CEP112: variants seen among roughly 807,000 people sequenced by gnomAD.
The protein encoded by CEP112 is centrosomal protein of 112 kDa.
CEP112 carries 127 observed loss-of-function variants against 153.0 expected under a neutral mutation model. The observed-to-expected ratio is 0.83, with a 90% confidence interval of 0.72 to 0.96. The LOEUF is 0.96. Among genes scored for constraint, CEP112 ranks in the 40% least tolerant of loss-of-function variants. The pLI is 0.00. For synonymous variants in CEP112, 358 were observed against 374.4 expected (o/e 0.96, Z 0.51); for missense variants, 1,089 against 1,101.2 (o/e 0.99, Z 0.16).
At chr17:65,763,305 T>A (rs1449659133) in intron 21 of CEP112, among the ~76,000 whole-genome samples, 1 of 152,054 alleles carries the variant, frequency 6.6e-6, no homozygotes, top group East Asian at 1.9e-4. Context: ...TTTCTTTCAT[T>A]TATGCTGATT....
At chr17:65,970,197 T>C (rs915307170) in intron 17 of CEP112, among the ~76,000 whole-genome samples, 12 of 121,254 alleles carry the variant, frequency 9.9e-5, no homozygotes, top group African/African-American at 3.2e-4. Flanking sequence ...GCATATATGC[T>C]GCATGCATGT....
chr17:65,974,913 C>T (rs1222697437), intron 17 of CEP112, among the ~76,000 whole-genome samples: 2 of 151,240 alleles, frequency 1.3e-5, no homozygotes, highest in African/African-American at 4.9e-5. Flanking sequence ...ACCTAATAGT[C>T]CAGGTCTGGC....
At chr17:65,796,914 C>T (rs1171056931) in intron 21 of CEP112, among the ~76,000 whole-genome samples, 1 of 150,106 alleles carries the variant, frequency 6.7e-6, no homozygotes, top group Non-Finnish European at 1.5e-5. Flanking sequence ...ATTAGCTGGG[C>T]TTGGTGGTGC....
At chr17:65,693,393 G>A (rs183887457) in intron 23 of CEP112, among the ~76,000 whole-genome samples, 11 of 151,762 alleles carry the variant, frequency 7.2e-5, no homozygotes, top group Admixed American at 2.6e-4. Flanking sequence ...CCCTATTCAC[G>A]CCCAATTGTG....
At chr17:65,713,404 A>G (rs2049308993) in intron 23 of CEP112, among the ~76,000 whole-genome samples, 1 of 152,220 alleles carries the variant, frequency 6.6e-6, no homozygotes, top group Non-Finnish European at 1.5e-5. Flanking sequence ...GAAAACCTAT[A>G]CTGTCTAAAG....
chr17:65,888,403 C>T (rs929504764), intron 20 of CEP112, among the ~76,000 whole-genome samples: 1 of 152,000 alleles, frequency 6.6e-6, no homozygotes, highest in African/African-American at 2.4e-5. Flanking sequence ...TTTTGTATAC[C>T]TCCTCTTAGC....
Position 65,961,496 on chromosome 17 carries a change from G to A in CEP112, c.1839C>T (p.Asn613=). Reference sequence around the variant, plus strand: ...TCATTTCAGCATAGACTTTCTCTGAGTTCAGTTCCACCTGCCGCTTAAACT... The same window carrying A: ...TCATTTCAGCATAGACTTTCTCTGAATTCAGTTCCACCTGCCGCTTAAACT... The part of the protein sequence containing the change: ...LEEFKRQVEL[N]SEKVYAEMKE... The change falls in exon 18 of 27, where the codon AAC becomes AAT. Residue 613 remains asparagine (N), a synonymous_variant. Coordinates refer to ENST00000535342, the MANE Select transcript of CEP112 (RefSeq NM_001199165.4). 1 of 1,612,066 alleles carries A rather than the reference G, an allele frequency of 6.2e-7. No homozygotes were observed. The highest frequency in any genetic ancestry group is 8.5e-7 in the Non-Finnish European group (1 of 1,178,362).
chr17:65,660,930 T>C (rs970316121), intron 24 of CEP112, among the ~76,000 whole-genome samples: 3 of 152,162 alleles, frequency 2.0e-5, no homozygotes, highest in Non-Finnish European at 2.9e-5. Flanking sequence ...CACTGTTGCA[T>C]GTTTCTCTAA....
chr17:65,714,207 T>G (rs1162363746), intron 23 of CEP112, among the ~76,000 whole-genome samples: 1 of 152,142 alleles, frequency 6.6e-6, no homozygotes, highest in African/African-American at 2.4e-5. Flanking sequence ...CACACACATA[T>G]ACATATACAC....
At chr17:65,749,395 CT>C (rs1476844153) in intron 22 of CEP112, among the ~76,000 whole-genome samples, 3 of 152,010 alleles carry the variant, frequency 2.0e-5, no homozygotes, top group African/African-American at 4.8e-5. Context: ...GTAGTCCCAG[CT>C]ACTCGGGAGG....
chr17:65,957,727 G>T (rs960331387), intron 18 of CEP112, among the ~76,000 whole-genome samples: 1 of 151,800 alleles, frequency 6.6e-6, no homozygotes, highest in Non-Finnish European at 1.5e-5. Flanking sequence ...TTGTATTTCT[G>T]CTTCTGTTCC....
At chr17:65,995,915 T>C (rs1242798885) in intron 17 of CEP112, among the ~76,000 whole-genome samples, 1 of 152,196 alleles carries the variant, frequency 6.6e-6, no homozygotes, top group African/African-American at 2.4e-5. Flanking sequence ...TCTTGCCTGC[T>C]GCCATGTAAG....
chr17:65,855,841 A>G (rs1185455114), intron 20 of CEP112, among the ~76,000 whole-genome samples: 3 of 152,178 alleles, frequency 2.0e-5, no homozygotes, highest in Non-Finnish European at 2.9e-5. Context: ...AGGCAGGTGG[A>G]TCACTTGAGC....
chr17:66,063,086 C>A lies in CEP112; in HGVS notation c.956-5G>T. The A allele has an allele frequency of 6.7e-7, 1 of 1,491,684 alleles. No individual in the cohort carries two copies. The highest frequency in any genetic ancestry group is 1.4e-5 in the South Asian group (1 of 72,578). The allele number at this position is 1,491,684 out of a possible 1,614,324, so 92.4% of individuals were successfully genotyped here. ...AGTCACGTATCAGTGTCTGAACTGTCAAAAATTTTGAAAACATAGTTAAAC... is the reference window on the plus strand; with the variant it reads ...AGTCACGTATCAGTGTCTGAACTGTAAAAAATTTTGAAAACATAGTTAAAC... On this transcript the variant is annotated splice_region_variant and splice_polypyrimidine_tract_variant and intron_variant, in intron 10 of 26. Coordinates refer to ENST00000535342, the MANE Select transcript of CEP112 (RefSeq NM_001199165.4).
At chr17:65,982,552 T>C (rs1231611137) in intron 17 of CEP112, among the ~76,000 whole-genome samples, 1 of 152,212 alleles carries the variant, frequency 6.6e-6, no homozygotes, top group Non-Finnish European at 1.5e-5. Context: ...ACCCTTTAAA[T>C]AATTTTCAAT....
At chr17:65,788,980 A>C (rs1234815772) in intron 21 of CEP112, among the ~76,000 whole-genome samples, 4 of 151,958 alleles carry the variant, frequency 2.6e-5, no homozygotes, top group Non-Finnish European at 4.4e-5. Flanking sequence ...CCCTTTCCTT[A>C]CCATAGCAAC....
chr17:65,861,968 T>C (rs866577810), intron 20 of CEP112, among the ~76,000 whole-genome samples: 8 of 152,332 alleles, frequency 5.3e-5, no homozygotes, highest in Non-Finnish European at 1.0e-4. Context: ...ATAGTTGTCA[T>C]TGATTTATCT....
At chr17:66,160,834 C>CA (rs2071668915) in intron 4 of CEP112, among the ~76,000 whole-genome samples, 2 of 152,050 alleles carry the variant, frequency 1.3e-5, no homozygotes, top group African/African-American at 4.8e-5. Flanking sequence ...CCAAAATTGA[C>CA]AAATGGAATC....
intron 24 of CEP112, among the ~76,000 whole-genome samples, chr17:65,652,500 T>G (rs2045835733): frequency 6.6e-6 from 1 of 152,030 alleles, no homozygotes; most frequent in Non-Finnish European, 1.5e-5. Flanking sequence ...ATATTATGTA[T>G]ATAGCATGAA....
Sources: gnomAD v4.1 joint callset for allele counts (sites outside exome capture counted in the v4.1 genomes callset) on GRCh38, gnomAD v4.1.1 for gene constraint, MANE v1.5 for transcripts, NCBI Gene and HGNC (gene_info 2026-07-23, HGNC 2026-07-21) for gene names.